Variants in HERPUD2 observed in about 807,000 individuals in gnomAD.
HERPUD2 encodes homocysteine-responsive endoplasmic reticulum-resident ubiquitin-like domain member 2 protein.
Under a neutral mutation model 49.9 loss-of-function variants are expected in HERPUD2, and 13 were observed. That is an observed-to-expected ratio of 0.26 (90% CI 0.17 to 0.41). The LOEUF is 0.41. Ranked by LOEUF, HERPUD2 falls within the 10% of genes least tolerant of loss-of-function variation. HERPUD2 has a pLI of 1.00. For synonymous variants in HERPUD2, 172 were observed against 171.4 expected, an observed-to-expected ratio of 1.00 and a Z score of -0.03; for missense variants, 449 against 492.2, an observed-to-expected ratio of 0.91 and a Z score of 0.83.
At chr7:35,659,234 C>T (rs1562675977) in intron 5 of HERPUD2, among the ~76,000 whole-genome samples, 1 of 152,144 alleles carries the variant, frequency 6.6e-6, no homozygotes, top group Non-Finnish European at 1.5e-5. Flanking sequence ...AAGCCTTCAT[C>T]AGAAAAAATG....
At chr7:35,654,163 T>G (rs150917218) in intron 5 of HERPUD2, among the ~76,000 whole-genome samples, 1 of 150,712 alleles carries the variant, frequency 6.6e-6, no homozygotes, top group Admixed American at 6.6e-5. Context: ...CCCCAAGAAC[T>G]AGAAAAGCAA....
intron 2 of HERPUD2, among the ~76,000 whole-genome samples, chr7:35,693,179 A>G (rs1309529344): frequency 6.6e-6 from 1 of 152,136 alleles, no homozygotes; most frequent in East Asian, 1.9e-4. Flanking sequence ...TACTGTCTAT[A>G]TTTTATTTAT....
At chr7:35,672,099 G>A (rs2115972864) in intron 3 of HERPUD2, among the ~76,000 whole-genome samples, 1 of 152,070 alleles carries the variant, frequency 6.6e-6, no homozygotes. Flanking sequence ...GACTTTGGGT[G>A]ATAATGTATG....
chr7:35,693,458 C>T (rs1786236969), intron 2 of HERPUD2, among the ~76,000 whole-genome samples: 1 of 151,970 alleles, frequency 6.6e-6, no homozygotes, highest in African/African-American at 2.4e-5. Flanking sequence ...AAAAAATCTT[C>T]AATTTCTGTT....
At chr7:35,635,056 C>T (rs1784847367) in intron 7 of HERPUD2, 79 bp downstream of exon 7, 4 of 1,059,980 alleles carry the variant, frequency 3.8e-6, no homozygotes, top group Non-Finnish European at 5.6e-6. Flanking sequence ...TCAACATTCA[C>T]AACAGACTAC....
intron 5 of HERPUD2, among the ~76,000 whole-genome samples, chr7:35,660,772 A>T (rs1785399613): frequency 6.6e-6 from 1 of 152,136 alleles, no homozygotes; most frequent in South Asian, 2.1e-4. Context: ...TAGATTCTGG[A>T]TATTAGCCCT....
intron 3 of HERPUD2, among the ~76,000 whole-genome samples, chr7:35,671,275 T>C (rs1479161273): frequency 6.6e-6 from 1 of 152,098 alleles, no homozygotes; most frequent in East Asian, 1.9e-4. Flanking sequence ...ACTAGTGCAC[T>C]ACAGCACAAT....
chr7:35,638,177 G>A (rs1784901699), intron 6 of HERPUD2, among the ~76,000 whole-genome samples, 173 bp downstream of exon 6: 1 of 152,170 alleles, frequency 6.6e-6, no homozygotes, highest in African/African-American at 2.4e-5. Context: ...AGACAGGGAG[G>A]AGCCAAGGGC....
chr7:35,633,028 G>A lies in HERPUD2; in HGVS notation c.*662C>T, dbSNP rs1784803682. 1 of 150,158 alleles carries A rather than the reference G, an allele frequency of 6.7e-6. No individual in the cohort carries two copies. The highest frequency in any genetic ancestry group is 2.4e-5 in the African/African-American group (1 of 40,874). The allele number at this position is 150,158 out of a possible 1,614,324, so 9.3% of individuals were successfully genotyped here. A position where few individuals can be genotyped will look rare whatever the true frequency, so the allele number is the denominator to read the frequency against. ...ATCTATTCAAATTAAACATTAAAGG[G>A]CCAGGCTACTAGCTATAGACATTTA... is the stretch of plus-strand genomic sequence containing the variant. On this transcript the variant is annotated 3_prime_UTR_variant, in exon 9 of 9. Coordinates refer to ENST00000311350, the MANE Select transcript of HERPUD2 (RefSeq NM_022373.5).
intron 6 of HERPUD2, among the ~76,000 whole-genome samples, chr7:35,636,559 C>T (rs1427171619): frequency 2.0e-5 from 3 of 152,140 alleles, no homozygotes; most frequent in Non-Finnish European, 2.9e-5. Flanking sequence ...GGTTCACAAA[C>T]GAGACAAGGT....
intron 5 of HERPUD2, among the ~76,000 whole-genome samples, chr7:35,650,142 A>G (rs1785133316): frequency 6.6e-6 from 1 of 152,224 alleles, no homozygotes; most frequent in Non-Finnish European, 1.5e-5. Context: ...TCCTCCACAA[A>G]AAAAGAACAA....
intron 6 of HERPUD2, among the ~76,000 whole-genome samples, chr7:35,637,630 A>T (rs1784892520): frequency 6.6e-6 from 1 of 152,196 alleles, no homozygotes; most frequent in East Asian, 1.9e-4. Context: ...AACAACTAAG[A>T]CCACGCAAAA....
intron 6 of HERPUD2, among the ~76,000 whole-genome samples, chr7:35,637,964 T>C (rs1346365516): frequency 6.6e-6 from 1 of 152,160 alleles, no homozygotes; most frequent in Admixed American, 6.5e-5. Flanking sequence ...ACGGACTAAA[T>C]ACTGAGAGTC....
chr7:35,633,925 T>C, intron 8 of HERPUD2, 74 bp from the exon 9 acceptor site: 1 of 1,444,728 alleles, frequency 6.9e-7, no homozygotes, highest in Admixed American at 2.1e-5. Context: ...TACAGTTAAA[T>C]TCTTTGTAGA....
intron 5 of HERPUD2, among the ~76,000 whole-genome samples, chr7:35,656,693 C>G (rs1455313503): frequency 6.6e-6 from 1 of 151,870 alleles, no homozygotes; most frequent in Non-Finnish European, 1.5e-5. Context: ...TTCCTTTTTT[C>G]TTTTTTCTGA....
In HERPUD2 at chr7:35,667,551, C is replaced by A. The variant is rs925539959; in HGVS notation, c.377G>T (p.Gly126Val). ...CACAGCTAAAGACAAGGTTTCTTGACCAGATGATGGAGTTGTTGATCCTGA... is the reference window on the plus strand; with the variant it reads ...CACAGCTAAAGACAAGGTTTCTTGAACAGATGATGGAGTTGTTGATCCTGA... ...DHSGSTTPSS[G>V]QETLSLAVGS... The change falls in exon 5 of 9, where the codon GGT (glycine) becomes GTT (valine). Residue 126 changes from glycine (G) to valine (V), a missense_variant. Coordinates refer to ENST00000311350, the MANE Select transcript of HERPUD2 (RefSeq NM_022373.5). The A allele has an allele frequency of 1.2e-6, 2 of 1,613,432 alleles. No individual in the cohort carries two copies. The highest frequency in any genetic ancestry group is 1.7e-6 in the Non-Finnish European group (2 of 1,179,604).
chr7:35,637,095 T>A (rs1265955189), intron 6 of HERPUD2, among the ~76,000 whole-genome samples: 1 of 150,702 alleles, frequency 6.6e-6, no homozygotes, highest in African/African-American at 2.4e-5. Flanking sequence ...ATTATGCCAC[T>A]GCACTCTAGC....
At chr7:35,649,681 G>A (rs1785124013) in intron 5 of HERPUD2, among the ~76,000 whole-genome samples, 1 of 152,104 alleles carries the variant, frequency 6.6e-6, no homozygotes, top group Non-Finnish European at 1.5e-5. Context: ...AAATATTATT[G>A]GCAATTGGGT....
At chr7:35,667,199 G>A (rs976660342) in intron 5 of HERPUD2, among the ~76,000 whole-genome samples, 4 of 152,118 alleles carry the variant, frequency 2.6e-5, no homozygotes, top group African/African-American at 7.2e-5. Flanking sequence ...AAGGTCTCCC[G>A]GTGATTAGGA....
Sources: gnomAD v4.1 joint callset for allele counts (sites outside exome capture counted in the v4.1 genomes callset) on GRCh38, gnomAD v4.1.1 for gene constraint, MANE v1.5 for transcripts, NCBI Gene and HGNC (gene_info 2026-07-23, HGNC 2026-07-21) for gene names.